The following UTS2R variants were observed in gnomAD, a reference collection of about 807,000 sequenced individuals.
The protein encoded by UTS2R is urotensin-2 receptor.
For missense variants in UTS2R, 653 were observed against 562.2 expected, an observed-to-expected ratio of 1.16 and a Z score of -1.63; for synonymous variants, 335 against 280.9, an observed-to-expected ratio of 1.19 and a Z score of -1.93.
Position 82,375,304 on chromosome 17 carries a change from G to A in UTS2R, c.980G>A (p.Arg327His), listed in dbSNP as rs1199928940. ...ACCAGGAACTACCGCGACCACCTGC[G>A]CGGCCGCGTGCGGGGCCCGGGCAGC... ...LLTRNYRDHL[R>H]GRVRGPGSGG... is the part of the protein sequence containing the mutation. The change falls in exon 3 of 3, where the codon CGC becomes CAC. Residue 327 changes from arginine to histidine, a missense_variant. By Grantham distance (29) the Arg-to-His change is conservative (BLOSUM62 0). Coordinates refer to ENST00000313135, the MANE Select transcript of UTS2R (RefSeq NM_018949.3). 3.2e-6 allele frequency: 5 copies of A among 1,545,714 alleles called. No homozygotes were observed. The Admixed American group carries it at 9.8e-5, about 30-fold the overall frequency.
chr17:82,376,874 C>G lies in UTS2R; in HGVS notation c.*1380C>G, dbSNP rs963383716. Reference sequence around the variant, plus strand: ...CAGCCCCCCGCCCGGCCAGCCACCCCGTCCGGGAGGTGAGGGGCGCCTCTG... The same window carrying G: ...CAGCCCCCCGCCCGGCCAGCCACCCGGTCCGGGAGGTGAGGGGCGCCTCTG... On this transcript the variant is annotated 3_prime_UTR_variant, in exon 3 of 3. Transcript: ENST00000313135. 6.6e-6 allele frequency among the ~76,000 whole-genome samples: 1 copy of G among 152,184 alleles called. No individual in the cohort carries two copies. Among genetic ancestry groups the G allele is most frequent in the Non-Finnish European group, 1.5e-5 (1 of 68,030 alleles).
rs2052502316 is a variant in UTS2R at position 82,377,019 on chromosome 17, G to C, written c.*1525G>C. Among the ~76,000 whole-genome samples, 1 of 152,264 alleles carries C rather than the reference G, an allele frequency of 6.6e-6. No homozygotes were observed. ...ATGACAATGGCGGTTTTGTGGAATAGAAAGGCAGGAAAGGTGGGGAAAAGA... is the reference window on the plus strand; with the variant it reads ...ATGACAATGGCGGTTTTGTGGAATACAAAGGCAGGAAAGGTGGGGAAAAGA... On this transcript the variant is annotated 3_prime_UTR_variant, in exon 3 of 3. Coordinates refer to ENST00000313135, the MANE Select transcript of UTS2R (RefSeq NM_018949.3).
Position 82,375,067 on chromosome 17 carries a change from G to T in UTS2R, c.743G>T (p.Arg248Leu), listed in dbSNP as rs1183176513. ...YRRSQRASFK[R>L]ARRPGARALR... ...CGCTCGCAGCGCGCCTCCTTCAAGC[G>T]GGCCCGGCGGCCGGGGGCGCGCGCG... Residue 248 changes from arginine (R) to leucine (L), a missense_variant, in exon 3 of 3, where the codon CGG (arginine) becomes CTG (leucine). Arg to Leu is a moderately radical substitution (Grantham distance 102). Transcript: ENST00000313135. The T allele has an allele frequency of 9.2e-6, 13 of 1,407,012 alleles. No individual in the cohort carries two copies. The highest frequency in any genetic ancestry group is 3.0e-5 in the East Asian group (1 of 33,178). 87.2% of individuals were successfully genotyped at this position (1,407,012 alleles called of 1,614,324 possible). A position where few individuals can be genotyped will look rare whatever the true frequency, so the allele number is the denominator to read the frequency against.
rs1205717892 is a variant in UTS2R, at chr17:82,375,166, C to T, written c.842C>T (p.Ala281Val). Residue 281 changes from alanine to valine, a missense_variant, in exon 3 of 3, where the codon GCC becomes GTC. Transcript: ENST00000313135. ...CCCTTCTGGCTGTGGCAGCTGCTCG[C>T]CCAGTACCACCAGGCCCCGCTGGCG... Reference protein sequence around the residue: ...FLPFWLWQLLAQYHQAPLAPR... With the variant: ...FLPFWLWQLLVQYHQAPLAPR... 6.5e-7 allele frequency: 1 copy of T among 1,545,750 alleles called. No individual in the cohort carries two copies. The highest frequency in any genetic ancestry group is 2.5e-5 in the East Asian group (1 of 40,240).
intron 2 of UTS2R, among the ~76,000 whole-genome samples, chr17:82,373,000 C>G (rs2052461296): frequency 6.6e-6 from 1 of 152,226 alleles, no homozygotes; most frequent in Non-Finnish European, 1.5e-5. Context: ...GTGGCCCTGA[C>G]TGGCATTTCC....
chr17:82,374,695 G>C lies in UTS2R; in HGVS notation c.371G>C (p.Arg124Pro), dbSNP rs35598277. The C allele has an allele frequency of 1.2e-6, 2 of 1,613,228 alleles. No individual in the cohort carries two copies. Among genetic ancestry groups the C allele is most frequent in the Non-Finnish European group, 1.7e-6 (2 of 1,179,956 alleles). ...TGGCACTTCGGGGACGTGGGCTGCC[G>C]CGTGCTCTTCGGCCTGGACTTCCTG... is the stretch of plus-strand genomic sequence containing the variant. ...KEWHFGDVGC[R>P]VLFGLDFLTM... The change falls in exon 3 of 3, where the codon CGC becomes CCC. Residue 124 changes from arginine (R) to proline (P), a missense_variant. Coordinates refer to ENST00000313135, the MANE Select transcript of UTS2R (RefSeq NM_018949.3).
chr17:82,374,424 A>G lies in UTS2R; in HGVS notation c.100A>G (p.Ser34Gly). ...PPGGPNATLN[S>G]SWASPTEPSS... ...TGGCGGCCCCAACGCAACCCTCAACAGCTCCTGGGCCAGCCCGACCGAGCC... is the reference window on the plus strand; with the variant it reads ...TGGCGGCCCCAACGCAACCCTCAACGGCTCCTGGGCCAGCCCGACCGAGCC... The change falls in exon 3 of 3, where the codon AGC becomes GGC. Residue 34 changes from serine (S) to glycine (G), a missense_variant. By Grantham distance (56) the Ser-to-Gly change is moderately conservative. Transcript: ENST00000313135. The G allele has an allele frequency of 6.3e-7, 1 of 1,598,942 alleles. No homozygotes were observed. Among genetic ancestry groups the G allele is most frequent in the Non-Finnish European group, 8.5e-7 (1 of 1,176,590 alleles).
In UTS2R at chr17:82,376,504, G is replaced by A. The variant is rs181119354; in HGVS notation, c.*1010G>A. Among the ~76,000 whole-genome samples the A allele has an allele frequency of 6.5e-3, 991 of 151,868 alleles. 12 individuals carry two copies. The highest frequency in any genetic ancestry group is 0.022 in the African/African-American group (919 of 41,464). ...GAACACTGGGGCAAGGGTCATGCCCGCTTGGTCCCTCCAGTGCCTACCCCT... is the reference window on the plus strand; with the variant it reads ...GAACACTGGGGCAAGGGTCATGCCCACTTGGTCCCTCCAGTGCCTACCCCT... On this transcript the variant is annotated 3_prime_UTR_variant, in exon 3 of 3. Coordinates refer to ENST00000313135, the MANE Select transcript of UTS2R (RefSeq NM_018949.3).
chr17:82,374,537 C>T lies in UTS2R; in HGVS notation c.213C>T (p.Tyr71=), dbSNP rs753224221. 1.9e-6 allele frequency: 3 copies of T among 1,583,808 alleles called. No individual in the cohort carries two copies. In the South Asian group the frequency reaches 3.4e-5, roughly 18 times the overall value. ...MGVVGVVGNA[Y]TLVVTCRSLR... Reference sequence around the variant, plus strand: ...TGGTGGGCGTGGTGGGCAACGCCTACACGCTGGTGGTCACCTGCCGCTCCC... The same window carrying T: ...TGGTGGGCGTGGTGGGCAACGCCTATACGCTGGTGGTCACCTGCCGCTCCC... The change falls in exon 3 of 3, where the codon TAC becomes TAT. Residue 71 remains tyrosine, a synonymous_variant. Transcript: ENST00000313135.
chr17:82,377,034 T>G lies in UTS2R; in HGVS notation c.*1540T>G, dbSNP rs951391250. Among the ~76,000 whole-genome samples, 1 of 151,988 alleles carries G rather than the reference T, an allele frequency of 6.6e-6. No homozygotes were observed. The highest frequency in any genetic ancestry group is 1.5e-5 in the Non-Finnish European group (1 of 67,988). ...TTGTGGAATAGAAAGGCAGGAAAGGTGGGGAAAAGATTGAGAAATCGGATG... is the reference window on the plus strand; with the variant it reads ...TTGTGGAATAGAAAGGCAGGAAAGGGGGGGAAAAGATTGAGAAATCGGATG... On this transcript the variant is annotated 3_prime_UTR_variant, in exon 3 of 3. Coordinates refer to ENST00000313135, the MANE Select transcript of UTS2R (RefSeq NM_018949.3).
rs2052498847 is a variant in UTS2R at position 82,376,730 on chromosome 17, G to T, written c.*1236G>T. ...GCCACAGAACTGTGCACCTGAATGT[G>T]TGAGTTCTGTCGTGTTTTACTTTAA... On this transcript the variant is annotated 3_prime_UTR_variant, in exon 3 of 3. Coordinates refer to ENST00000313135, the MANE Select transcript of UTS2R (RefSeq NM_018949.3). Among the ~76,000 whole-genome samples, 1 of 152,250 alleles carries T rather than the reference G, an allele frequency of 6.6e-6. No individual in the cohort carries two copies. Among genetic ancestry groups the T allele is most frequent in the South Asian group, 2.1e-4 (1 of 4,832 alleles).
Position 82,375,506 on chromosome 17 carries a change from G to C in UTS2R, c.*12G>C. On this transcript the variant is annotated 3_prime_UTR_variant, in exon 3 of 3. Coordinates refer to ENST00000313135, the MANE Select transcript of UTS2R (RefSeq NM_018949.3). Reference sequence around the variant, plus strand: ...GGGCCCCGGCGTGAGCACGCGGAGGGGCGGCTGGAGTCCAGGCGGGGACGC... The same window carrying C: ...GGGCCCCGGCGTGAGCACGCGGAGGCGCGGCTGGAGTCCAGGCGGGGACGC... The C allele has an allele frequency of 8.6e-7, 1 of 1,165,474 alleles. No homozygotes were observed. The highest frequency in any genetic ancestry group is 1.6e-5 in the African/African-American group (1 of 61,672). 72.2% of individuals were successfully genotyped at this position (1,165,474 alleles called of 1,614,324 possible).
At chr17:82,373,900 C>A (rs2052466639) in intron 2 of UTS2R, among the ~76,000 whole-genome samples, 1 of 152,220 alleles carries the variant, frequency 6.6e-6, no homozygotes, top group South Asian at 2.1e-4. Flanking sequence ...TGGGGGGGCG[C>A]AATGGGCAGA....
Position 82,375,720 on chromosome 17 carries a change from C to G in UTS2R, c.*226C>G, listed in dbSNP as rs1213951545. 2.4e-6 allele frequency: 1 copy of G among 423,850 alleles called. No homozygotes were observed. Among genetic ancestry groups the G allele is most frequent in the Non-Finnish European group, 4.1e-6 (1 of 242,660 alleles). The allele number at this position is 423,850 out of a possible 1,614,324, so 26.3% of individuals were successfully genotyped here. A position where few individuals can be genotyped will look rare whatever the true frequency, so the allele number is the denominator to read the frequency against. On this transcript the variant is annotated 3_prime_UTR_variant, in exon 3 of 3. Coordinates refer to ENST00000313135, the MANE Select transcript of UTS2R (RefSeq NM_018949.3). ...CCAGCGCAGTCCCGGCTTCTGGAGA[C>G]CATGGCTTCGTCACAGAGGGCAGCA...
chr17:82,376,650 G>A lies in UTS2R; in HGVS notation c.*1156G>A, dbSNP rs1418866647. On this transcript the variant is annotated 3_prime_UTR_variant, in exon 3 of 3. Transcript: ENST00000313135. ...GCTTGCAGCTCCCCCCTGGAGTTAC[G>A]AAAGTGCTCTGGAACTAGACGCTGG... 2.0e-5 allele frequency among the ~76,000 whole-genome samples: 3 copies of A among 152,266 alleles called. No individual in the cohort carries two copies. The highest frequency in any genetic ancestry group is 7.2e-5 in the African/African-American group (3 of 41,474).
rs2052474376 is a variant in UTS2R at position 82,374,557 on chromosome 17, G to C, written c.233G>C (p.Arg78Pro). ...GCCTACACGCTGGTGGTCACCTGCC[G>C]CTCCCTGCGTGCGGTGGCCTCCATG... ...GNAYTLVVTC[R>P]SLRAVASMYV... is the part of the protein sequence containing the mutation. Residue 78 changes from arginine to proline, a missense_variant, in exon 3 of 3, where the codon CGC becomes CCC. Transcript: ENST00000313135. The C allele has an allele frequency of 6.3e-7, 1 of 1,592,064 alleles. No individual in the cohort carries two copies. Among genetic ancestry groups the C allele is most frequent in the African/African-American group, 1.3e-5 (1 of 74,668 alleles).
At chr17:82,373,168 T>C (rs988562197) in intron 2 of UTS2R, among the ~76,000 whole-genome samples, 3 of 152,184 alleles carry the variant, frequency 2.0e-5, no homozygotes. Flanking sequence ...CTTTTTTTTT[T>C]TCTCTGAGAC....
At position 82,374,417 on chromosome 17, in the gene UTS2R, C is replaced by T. The variant is rs1246183660; in HGVS notation, c.93C>T (p.Thr31=). The change falls in exon 3 of 3, where the codon ACC becomes ACT. Residue 31 remains threonine, a synonymous_variant. Coordinates refer to ENST00000313135, the MANE Select transcript of UTS2R (RefSeq NM_018949.3). ...AGCCGCCTGGCGGCCCCAACGCAAC[C>T]CTCAACAGCTCCTGGGCCAGCCCGA... ...VPEPPGGPNA[T]LNSSWASPTE... 2.5e-6 allele frequency: 4 copies of T among 1,598,168 alleles called. No homozygotes were observed. The highest frequency in any genetic ancestry group is 3.4e-5 in the Admixed American group (2 of 58,892).
rs745983063 is a variant in UTS2R at position 82,374,873 on chromosome 17, C to G, written c.549C>G (p.Pro183=). The G allele has an allele frequency of 7.7e-7, 1 of 1,305,680 alleles. No homozygotes were observed. The highest frequency in any genetic ancestry group is 1.2e-5 in the South Asian group (1 of 80,756). 80.9% of individuals were successfully genotyped at this position (1,305,680 alleles called of 1,614,324 possible). A position where few individuals can be genotyped will look rare whatever the true frequency, so the allele number is the denominator to read the frequency against. The stretch of plus-strand genomic sequence containing the variant: ...TGCTGGCGCTGCTGCTGACGCTGCC[C>G]GTGATGCTGGCCATGCGGCTGGTGC... ...TWLLALLLTL[P]VMLAMRLVRR... is the part of the protein sequence containing the mutation. The change falls in exon 3 of 3, where the codon CCC becomes CCG. Residue 183 remains proline, a synonymous_variant. Coordinates refer to ENST00000313135, the MANE Select transcript of UTS2R (RefSeq NM_018949.3).
Sources: gnomAD v4.1 joint callset for allele counts (sites outside exome capture counted in the v4.1 genomes callset) on GRCh38, gnomAD v4.1.1 for gene constraint, MANE v1.5 for transcripts, NCBI Gene and HGNC (gene_info 2026-07-23, HGNC 2026-07-21) for gene names.